Variants in CNTNAP2 observed in about 807,000 individuals in gnomAD.
CNTNAP2 encodes contactin-associated protein-like 2.
CNTNAP2 carries 98 observed loss-of-function variants against 155.2 expected under a neutral mutation model. The ratio of observed to expected loss-of-function variants is 0.63; its 90% confidence interval spans 0.54 to 0.75. The LOEUF (loss-of-function observed/expected upper bound fraction) is 0.75. CNTNAP2 is among the 30% of genes least tolerant of loss of function. The pLI is 0.00. For synonymous variants in CNTNAP2, 651 were observed against 631.2 expected (o/e 1.03, Z -0.47); for missense variants, 1,727 against 1,688.1 (o/e 1.02, Z -0.40).
intron 1 of CNTNAP2, among the ~76,000 whole-genome samples, chr7:146,766,330 G>A (rs13234903): frequency 0.055 from 8,369 of 152,176 alleles, 328 homozygotes; most frequent in Non-Finnish European, 0.077. Context: ...GTTAAAAGAT[G>A]TGGGTCTGAT....
At chr7:146,257,011 GGTTT>G (rs1218461377) in intron 1 of CNTNAP2, among the ~76,000 whole-genome samples, 1 of 152,124 alleles carries the variant, frequency 6.6e-6, no homozygotes, top group Non-Finnish European at 1.5e-5. Flanking sequence ...GCATACATTT[GGTTT>G]GTTTGTTTTT....
At chr7:146,395,118 A>G (rs1157781534) in intron 1 of CNTNAP2, among the ~76,000 whole-genome samples, 2 of 152,230 alleles carry the variant, frequency 1.3e-5, no homozygotes, top group African/African-American at 2.4e-5. Context: ...ATACATATAT[A>G]CCACATTTTC....
chr7:147,462,736 A>G (rs1164540338), intron 10 of CNTNAP2, among the ~76,000 whole-genome samples: 5 of 152,170 alleles, frequency 3.3e-5, no homozygotes, highest in African/African-American at 1.2e-4. Context: ...GTATTCACAT[A>G]AATAGTGACA....
intron 14 of CNTNAP2, among the ~76,000 whole-genome samples, chr7:147,971,243 T>TG (rs1463627845): frequency 6.6e-6 from 1 of 152,226 alleles, no homozygotes; most frequent in Non-Finnish European, 1.5e-5. Flanking sequence ...TATTGCCAAT[T>TG]GGCATTTGAG....
chr7:146,626,082 T>G (rs1280186964), intron 1 of CNTNAP2, among the ~76,000 whole-genome samples: 1 of 152,128 alleles, frequency 6.6e-6, no homozygotes, highest in African/African-American at 2.4e-5. Flanking sequence ...AAACTTGTGA[T>G]ACTTATCTAA....
intron 1 of CNTNAP2, among the ~76,000 whole-genome samples, chr7:146,540,613 T>C (rs1797936079): frequency 6.6e-6 from 1 of 151,936 alleles, no homozygotes; most frequent in African/African-American, 2.4e-5. Flanking sequence ...AAATGTGGCA[T>C]AGATATTGAC....
intron 9 of CNTNAP2, among the ~76,000 whole-genome samples, chr7:147,315,312 T>G (rs1311557906): frequency 6.6e-6 from 1 of 150,758 alleles, no homozygotes; most frequent in African/African-American, 2.4e-5. Flanking sequence ...CACAGAGTCT[T>G]GTAACTATCA....
chr7:148,406,621 C>T (rs979101424), intron 22 of CNTNAP2, among the ~76,000 whole-genome samples: 2 of 152,206 alleles, frequency 1.3e-5, no homozygotes, highest in Non-Finnish European at 2.9e-5. Context: ...AGACTATTCA[C>T]AAGCTTGGTG....
rs1796520741 is a variant in CNTNAP2, at chr7:147,380,721, A to C, written c.1499-14888A>C. Among the ~76,000 whole-genome samples, 4 of 152,188 alleles carry C rather than the reference A, an allele frequency of 2.6e-5. No homozygotes were observed. In the South Asian group the frequency reaches 8.3e-4, roughly 31 times the overall value. On this transcript the variant is annotated intron_variant, in intron 9 of 23. Transcript: ENST00000361727. ...GATTTGAAGTTAATATCAAATTAAC[A>C]GAATACCAAAATATATAGTCATATA...
rs897162804 is a variant in CNTNAP2, at chr7:147,579,127, T to C, written c.1897+16870T>C. ...TGGTCATTATGTTCTTTTTTAAATG[T>C]AATGAACTGTGTGGTGTGATTAACA... On this transcript the variant is annotated intron_variant, in intron 12 of 23. Coordinates refer to ENST00000361727, the MANE Select transcript of CNTNAP2 (RefSeq NM_014141.6). 8.5e-5 allele frequency among the ~76,000 whole-genome samples: 13 copies of C among 152,220 alleles called. No homozygotes were observed. In the South Asian group the frequency reaches 2.3e-3, roughly 27 times the overall value.
At chr7:146,735,113 A>G (rs1020117104) in intron 1 of CNTNAP2, among the ~76,000 whole-genome samples, 1 of 152,238 alleles carries the variant, frequency 6.6e-6, no homozygotes, top group Non-Finnish European at 1.5e-5. Context: ...TGTAAGCAGT[A>G]TTAACAATCC....
intron 1 of CNTNAP2, among the ~76,000 whole-genome samples, chr7:146,262,112 C>G (rs1799927583): frequency 6.6e-6 from 1 of 152,272 alleles, no homozygotes; most frequent in African/African-American, 2.4e-5. Flanking sequence ...TCAGCCATTT[C>G]ATTTCAACCC....
chr7:147,081,540 C>T (rs1800128651), intron 4 of CNTNAP2: 1 of 151,528 alleles, frequency 6.6e-6, no homozygotes, highest in African/African-American at 2.4e-5. Context: ...CCTCAGACTC[C>T]TGAGTAGCTG....
chr7:146,529,524 A>G (rs1355253256), intron 1 of CNTNAP2, among the ~76,000 whole-genome samples: 1 of 152,154 alleles, frequency 6.6e-6, no homozygotes. Context: ...GAAACAAGCG[A>G]TCGGGAGAAA....
intron 21 of CNTNAP2, among the ~76,000 whole-genome samples, chr7:148,353,129 A>G (rs1329816116): frequency 1.3e-5 from 2 of 152,244 alleles, no homozygotes; most frequent in Non-Finnish European, 2.9e-5. Context: ...GCCTGCTCCA[A>G]GGTCAACAGG....
At chr7:146,333,444 C>A (rs1164194096) in intron 1 of CNTNAP2, among the ~76,000 whole-genome samples, 2 of 152,114 alleles carry the variant, frequency 1.3e-5, no homozygotes, top group Admixed American at 6.5e-5. Flanking sequence ...AGTAGAAACA[C>A]AAGCCTGTTA....
At chr7:147,949,111 G>A (rs932846940) in intron 14 of CNTNAP2, among the ~76,000 whole-genome samples, 3 of 151,786 alleles carry the variant, frequency 2.0e-5, no homozygotes, top group African/African-American at 7.3e-5. Context: ...TGAGGCAGGA[G>A]AATCGCTTGA....
At chr7:147,836,638 A>G (rs1798638764) in intron 13 of CNTNAP2, among the ~76,000 whole-genome samples, 1 of 151,980 alleles carries the variant, frequency 6.6e-6, no homozygotes. Context: ...ATATTTCTGG[A>G]TTGTCTGTCT....
chr7:146,459,533 A>G (rs1352677079), intron 1 of CNTNAP2, among the ~76,000 whole-genome samples: 2 of 152,182 alleles, frequency 1.3e-5, no homozygotes, highest in Non-Finnish European at 2.9e-5. Flanking sequence ...TTGCAAATTT[A>G]CCCAAGCCTA....
Sources: allele counts gnomAD v4.1 joint callset (sites outside exome capture counted in the v4.1 genomes callset), GRCh38; gene constraint gnomAD v4.1.1; transcripts MANE v1.5; gene names NCBI Gene and HGNC (gene_info 2026-07-23, HGNC 2026-07-21).